Variants in CNTNAP2 observed in about 807,000 individuals in gnomAD.
CNTNAP2 encodes contactin associated protein 2.
In CNTNAP2, 98 loss-of-function variants were observed where a neutral mutation model predicts 155.2. The observed-to-expected ratio is 0.63, with a 90% CI of 0.54 to 0.75. CNTNAP2 has a LOEUF of 0.75. Ranked by LOEUF, CNTNAP2 falls within the 30% of genes least tolerant of loss-of-function variation. The pLI, the probability that CNTNAP2 is intolerant of heterozygous loss-of-function variation, is 0.00. For synonymous variants in CNTNAP2, 651 were observed against 631.2 expected, an observed-to-expected ratio of 1.03 and a Z score of -0.47; for missense variants, 1,727 against 1,688.1, an observed-to-expected ratio of 1.02 and a Z score of -0.40.
intron 18 of CNTNAP2, among the ~76,000 whole-genome samples, chr7:148,209,946 G>T (rs1795514995): frequency 6.6e-6 from 1 of 151,890 alleles, no homozygotes; most frequent in Admixed American, 6.6e-5. Context: ...TCTCTTCCTA[G>T]AATACTTTCC....
chr7:147,384,284 T>C (rs1440709599), intron 9 of CNTNAP2, among the ~76,000 whole-genome samples: 2 of 152,206 alleles, frequency 1.3e-5, no homozygotes, highest in African/African-American at 4.8e-5. Context: ...ACAGAAAAAG[T>C]GAAACTCATG....
Position 148,337,382 on chromosome 7 carries a change from G to A in CNTNAP2, c.3476-46267G>A, listed in dbSNP as rs112709552. On this transcript the variant is annotated intron_variant, in intron 21 of 23. Transcript: ENST00000361727. ...GGACTTTCCTTCTCTCCTATGACAA[G>A]CCCTGGCCCTAGGCAGCTGAAAACA... Among the ~76,000 whole-genome samples, 164 of 152,226 alleles carry A rather than the reference G, an allele frequency of 1.1e-3. 1 individual carries two copies. The highest frequency in any genetic ancestry group is 3.9e-3 in the African/African-American group (161 of 41,552).
intron 13 of CNTNAP2, among the ~76,000 whole-genome samples, chr7:147,892,886 A>G (rs866248331): frequency 6.6e-6 from 1 of 152,226 alleles, no homozygotes; most frequent in African/African-American, 2.4e-5. Context: ...CCTGAAGCTA[A>G]TCAACTGCAT....
chr7:148,052,170 G>A (rs2040881), intron 15 of CNTNAP2, among the ~76,000 whole-genome samples: 3,619 of 146,406 alleles, frequency 0.025, 89 homozygotes, highest in East Asian at 0.085. Flanking sequence ...GCCCTTGTAA[G>A]CATAAATACA....
intron 10 of CNTNAP2, among the ~76,000 whole-genome samples, chr7:147,426,344 GTGTT>G (rs1419586784): frequency 2.6e-5 from 4 of 152,172 alleles, no homozygotes; most frequent in East Asian, 3.9e-4. Context: ...TTTGGTGTGT[GTGTT>G]TGTTTGTATC....
intron 18 of CNTNAP2, among the ~76,000 whole-genome samples, chr7:148,188,442 T>G (rs13230925): frequency 6.6e-6 from 1 of 152,106 alleles, no homozygotes; most frequent in African/African-American, 2.4e-5. Flanking sequence ...GAGGAGATAG[T>G]TAAGATGACT....
intron 1 of CNTNAP2, among the ~76,000 whole-genome samples, chr7:146,501,843 G>C (rs1797304618): frequency 6.6e-6 from 1 of 152,054 alleles, no homozygotes; most frequent in African/African-American, 2.4e-5. Flanking sequence ...CAAAAGAGAA[G>C]ACTTAGACAA....
chr7:147,995,176 G>C (rs1192056220), intron 15 of CNTNAP2, among the ~76,000 whole-genome samples: 1 of 152,110 alleles, frequency 6.6e-6, no homozygotes, highest in Non-Finnish European at 1.5e-5. Flanking sequence ...GCCCCTACCA[G>C]GCATGCACCC....
intron 18 of CNTNAP2, among the ~76,000 whole-genome samples, chr7:148,204,424 AC>A (rs772055434): frequency 6.6e-6 from 1 of 151,970 alleles, no homozygotes; most frequent in Non-Finnish European, 1.5e-5. Flanking sequence ...TACTGCTTTT[AC>A]AATAATCAGC....
intron 12 of CNTNAP2, among the ~76,000 whole-genome samples, chr7:147,565,025 G>A (rs1245921988): frequency 6.6e-6 from 1 of 152,138 alleles, no homozygotes; most frequent in African/African-American, 2.4e-5. Flanking sequence ...CTTGGCTTGG[G>A]CTATTCCATT....
intron 11 of CNTNAP2, among the ~76,000 whole-genome samples, chr7:147,532,049 T>C (rs559513943): frequency 2.3e-4 from 35 of 152,182 alleles, no homozygotes; most frequent in African/African-American, 7.9e-4. Flanking sequence ...CCTTGTGATC[T>C]GCCCGCCTCG....
At chr7:147,122,072 A>T (rs1801126130) in intron 6 of CNTNAP2, 1 of 152,054 alleles carries the variant, frequency 6.6e-6, no homozygotes, top group South Asian at 2.1e-4. Context: ...GCTACTCAGG[A>T]GGCTGAGGCA....
intron 15 of CNTNAP2, among the ~76,000 whole-genome samples, chr7:147,978,524 A>C (rs1376840961): frequency 6.6e-6 from 1 of 152,140 alleles, no homozygotes. Flanking sequence ...TCTTGCTTTC[A>C]AGATTAGTCA....
intron 3 of CNTNAP2, among the ~76,000 whole-genome samples, chr7:146,997,353 G>T (rs1486468144): frequency 1.3e-5 from 2 of 152,122 alleles, no homozygotes; most frequent in African/African-American, 4.8e-5. Flanking sequence ...TGTCCACTCT[G>T]TTAGTGTGAT....
intron 13 of CNTNAP2, among the ~76,000 whole-genome samples, chr7:147,894,389 A>G (rs1336614017): frequency 6.6e-6 from 1 of 152,148 alleles, no homozygotes; most frequent in Non-Finnish European, 1.5e-5. Flanking sequence ...AAAATCCTGC[A>G]CTGCAAGGGC....
intron 10 of CNTNAP2, among the ~76,000 whole-genome samples, chr7:147,475,677 G>A (rs1481472815): frequency 3.3e-5 from 5 of 151,822 alleles, no homozygotes; most frequent in Non-Finnish European, 5.9e-5. Flanking sequence ...ATGGTTCCTG[G>A]ATTTGTGTCT....
At chr7:147,414,811 G>A (rs929667126) in intron 10 of CNTNAP2, among the ~76,000 whole-genome samples, 2 of 151,594 alleles carry the variant, frequency 1.3e-5, no homozygotes, top group African/African-American at 4.8e-5. Flanking sequence ...CGAGGTGGTG[G>A]GCGCCTGTAG....
intron 13 of CNTNAP2, among the ~76,000 whole-genome samples, chr7:147,759,323 C>A (rs1454508784): frequency 7.9e-5 from 12 of 152,308 alleles, no homozygotes; most frequent in Middle Eastern, 3.4e-3. Context: ...AAGACAGTTT[C>A]TCTGAGCATA....
At chr7:146,309,833 G>GA (rs545662365) in intron 1 of CNTNAP2, among the ~76,000 whole-genome samples, 1 of 140,602 alleles carries the variant, frequency 7.1e-6, no homozygotes, top group African/African-American at 3.1e-5. Flanking sequence ...GAAAGGAAAG[G>GA]AAGGAAGGAA....
Sources: gnomAD v4.1 joint callset for allele counts (sites outside exome capture counted in the v4.1 genomes callset) on GRCh38, gnomAD v4.1.1 for gene constraint, MANE v1.5 for transcripts, NCBI Gene and HGNC (gene_info 2026-07-23, HGNC 2026-07-21) for gene names.